The following SPON1 variants were observed in gnomAD, a reference collection of about 807,000 sequenced individuals.
The protein encoded by SPON1 is spondin-1.
Under a neutral mutation model 111.7 loss-of-function variants are expected in SPON1, and 52 were observed. The observed-to-expected ratio is 0.47, with a 90% CI of 0.37 to 0.59. SPON1 has a LOEUF of 0.59. Among genes scored for constraint, SPON1 ranks in the 20% least tolerant of loss-of-function variants. SPON1 has a pLI of 0.00. For missense variants in SPON1, 957 were observed against 1,068.5 expected (o/e 0.90, Z 1.46); for synonymous variants, 410 against 395.8 (o/e 1.04, Z -0.43).
intron 7 of SPON1, among the ~76,000 whole-genome samples, chr11:14,251,242 C>A (rs1849049893): frequency 6.6e-6 from 1 of 152,136 alleles, no homozygotes; most frequent in Non-Finnish European, 1.5e-5. Context: ...GTTCTCAGGC[C>A]CTTATAGATT....
At chr11:14,155,583 C>T (rs1222957659) in intron 6 of SPON1, among the ~76,000 whole-genome samples, 1 of 151,350 alleles carries the variant, frequency 6.6e-6, no homozygotes, top group Non-Finnish European at 1.5e-5. Context: ...ATGTGCCATG[C>T]TGGTGCGCTG....
At chr11:14,222,089 T>C (rs924311688) in intron 6 of SPON1, among the ~76,000 whole-genome samples, 1 of 152,192 alleles carries the variant, frequency 6.6e-6, no homozygotes, top group Non-Finnish European at 1.5e-5. Context: ...CAATGACAGG[T>C]GATACAATGG....
intron 5 of SPON1, among the ~76,000 whole-genome samples, chr11:14,109,032 C>G (rs1313022182): frequency 1.3e-5 from 2 of 152,190 alleles, no homozygotes; most frequent in East Asian, 3.8e-4. Flanking sequence ...TCTCTTTCTG[C>G]CTAGTCCAGT....
intron 6 of SPON1, among the ~76,000 whole-genome samples, chr11:14,211,708 T>C (rs1848578865): frequency 6.6e-6 from 1 of 152,198 alleles, no homozygotes; most frequent in South Asian, 2.1e-4. Flanking sequence ...GTAGTATATA[T>C]GAAAACATGG....
At chr11:14,183,612 C>A (rs1848257853) in intron 6 of SPON1, among the ~76,000 whole-genome samples, 2 of 152,308 alleles carry the variant, frequency 1.3e-5, no homozygotes, top group Non-Finnish European at 2.9e-5. Context: ...TAGGCACCTA[C>A]CATCTGCCAA....
At chr11:13,999,710 T>G (rs1417558527) in intron 2 of SPON1, among the ~76,000 whole-genome samples, 1 of 152,166 alleles carries the variant, frequency 6.6e-6, no homozygotes, top group Non-Finnish European at 1.5e-5. Context: ...CCTGGCCTGC[T>G]ATATCACTTT....
chr11:14,183,636 T>C (rs1848258104), intron 6 of SPON1, among the ~76,000 whole-genome samples: 1 of 152,210 alleles, frequency 6.6e-6, no homozygotes, highest in South Asian at 2.1e-4. Flanking sequence ...CTGGGTGAGA[T>C]GTTTAATGCC....
chr11:14,156,282 T>C (rs1847845166), intron 6 of SPON1, among the ~76,000 whole-genome samples: 1 of 143,602 alleles, frequency 7.0e-6, no homozygotes, highest in African/African-American at 2.5e-5. Flanking sequence ...TTTGGCTGCA[T>C]AAATGTCTTC....
At chr11:13,970,668 G>A (rs1348188098) in intron 1 of SPON1, among the ~76,000 whole-genome samples, 1 of 152,026 alleles carries the variant, frequency 6.6e-6, no homozygotes, top group African/African-American at 2.4e-5. Flanking sequence ...AATACACTAA[G>A]CTCATTCGCT....
intron 3 of SPON1, among the ~76,000 whole-genome samples, chr11:14,073,470 C>T (rs1482948501): frequency 6.6e-6 from 1 of 152,168 alleles, no homozygotes; most frequent in African/African-American, 2.4e-5. Context: ...ACTTACCACT[C>T]GTAGGTCCTC....
intron 6 of SPON1, among the ~76,000 whole-genome samples, chr11:14,172,459 G>A (rs1212148946): frequency 6.6e-5 from 10 of 151,784 alleles, no homozygotes; most frequent in Non-Finnish European, 1.0e-4. Flanking sequence ...TTGCCAGTCT[G>A]TGTCTTTTAA....
At chr11:14,088,462 ACT>A (rs1366595301) in intron 5 of SPON1, among the ~76,000 whole-genome samples, 12 of 151,798 alleles carry the variant, frequency 7.9e-5, no homozygotes, top group African/African-American at 2.7e-4. Context: ...TTGGCCCCCC[ACT>A]CTCTTCTGGC....
At chr11:14,040,190 A>G (rs1848622090) in intron 2 of SPON1, among the ~76,000 whole-genome samples, 1 of 152,218 alleles carries the variant, frequency 6.6e-6, no homozygotes, top group Non-Finnish European at 1.5e-5. Flanking sequence ...GTACAGCAGC[A>G]TGAGGTTCTT....
chr11:13,994,881 A>C (rs1464390740), intron 2 of SPON1, among the ~76,000 whole-genome samples: 1 of 152,218 alleles, frequency 6.6e-6, no homozygotes, highest in East Asian at 1.9e-4. Context: ...TTCTTATGCC[A>C]TTCTGAGAGA....
At chr11:14,131,314 C>A (rs548337277) in intron 5 of SPON1, among the ~76,000 whole-genome samples, 3 of 152,244 alleles carry the variant, frequency 2.0e-5, no homozygotes, top group African/African-American at 7.2e-5. Context: ...CTCTGGGCCT[C>A]AGTTTCTTCG....
chr11:14,098,057 A>ACGAT (rs1192827331), intron 5 of SPON1, among the ~76,000 whole-genome samples: 5 of 152,098 alleles, frequency 3.3e-5, no homozygotes, highest in African/African-American at 1.2e-4. Context: ...GTGCAGTGGC[A>ACGAT]CGATCTCAGC....
In SPON1 at chr11:14,247,936, CA is replaced by C. The variant is rs569381768; in HGVS notation, c.890+4542del. On this transcript the variant is annotated intron_variant, in intron 7 of 15. Transcript: ENST00000576479. ...GCCCTCAAGGAATGGGAGACAATGC[CA>C]AGGGCATAAGAATAGGAATCAAGGG... Among the ~76,000 whole-genome samples, 561 of 152,270 alleles carry C rather than the reference CA, an allele frequency of 3.7e-3. 15 individuals carry two copies. The highest frequency in any genetic ancestry group is 1.5e-3 in the Non-Finnish European group (99 of 68,030).
At chr11:14,202,963 A>G (rs1848479296) in intron 6 of SPON1, among the ~76,000 whole-genome samples, 1 of 152,056 alleles carries the variant, frequency 6.6e-6, no homozygotes, top group African/African-American at 2.4e-5. Flanking sequence ...TCTATAATCA[A>G]CCTCAATCTA....
intron 6 of SPON1, among the ~76,000 whole-genome samples, chr11:14,180,208 A>C (rs1199219846): frequency 1.7e-4 from 26 of 152,338 alleles, no homozygotes; most frequent in African/African-American, 6.0e-4. Flanking sequence ...AAGATGAGTT[A>C]GTCACCCTGC....
Sources: gnomAD v4.1 joint callset for allele counts (sites outside exome capture counted in the v4.1 genomes callset) on GRCh38, gnomAD v4.1.1 for gene constraint, MANE v1.5 for transcripts, NCBI Gene and HGNC (gene_info 2026-07-23, HGNC 2026-07-21) for gene names.